ARHGAP15: variants seen among roughly 807,000 people sequenced by gnomAD.
ARHGAP15 encodes rho GTPase-activating protein 15.
A neutral mutation model predicts 63.7 loss-of-function variants in ARHGAP15; 51 were observed. That is an observed-to-expected ratio of 0.80 (90% CI 0.64 to 1.01). The LOEUF (loss-of-function observed/expected upper bound fraction) is 1.01. Ranked by LOEUF, ARHGAP15 falls within the 50% of genes least tolerant of loss-of-function variation. ARHGAP15 has a pLI of 0.00. For missense variants in ARHGAP15, 560 were observed against 564.6 expected (o/e 0.99, Z 0.08); for synonymous variants, 191 against 193.8 (o/e 0.99, Z 0.12).
chr2:143,380,539 C>A (rs1404335497), intron 6 of ARHGAP15, among the ~76,000 whole-genome samples: 1 of 152,080 alleles, frequency 6.6e-6, no homozygotes, highest in Admixed American at 6.6e-5. Context: ...AAATTTTCTC[C>A]ATTTGATGAG....
intron 6 of ARHGAP15, among the ~76,000 whole-genome samples, chr2:143,330,434 A>T (rs1346084193): frequency 6.6e-6 from 1 of 152,108 alleles, no homozygotes; most frequent in African/African-American, 2.4e-5. Flanking sequence ...AATACATAAA[A>T]TACCCATAGT....
At position 143,155,510 on chromosome 2, in the gene ARHGAP15, C is replaced by A. The variant is rs1690041780; in HGVS notation, c.20C>A (p.Ser7Tyr). The change falls in exon 2 of 14, where the codon TCT becomes TAT. Residue 7 changes from serine to tyrosine, a missense_variant. By Grantham distance (144) the Ser-to-Tyr change is moderately radical (BLOSUM62 -2). Transcript: ENST00000295095. ...TATAATATGCAGAAATCTACAAATT[C>A]TGATACTTCCGTGGAAACACTGAAT... MQKSTNSDTSVETLNST... is the reference protein window; with the variant it reads MQKSTNYDTSVETLNST... 1.2e-6 allele frequency: 2 copies of A among 1,607,058 alleles called. No individual in the cohort carries two copies.
chr2:143,606,035 C>CAAAAAAAAAAAAAAAAAAAAAAAAAAAA lies in ARHGAP15; in HGVS notation c.1004-18090_1004-18063dup, dbSNP rs869266541. On this transcript the variant is annotated intron_variant, in intron 11 of 13. Transcript: ENST00000295095. ...TGGGCGCCAGAGCAAGACTCTGTCT[C>CAAAAAAAAAAAAAAAAAAAAAAAAAAAA]AAAAAAAAAAAAAAAAAAAAAAAAA... 8.7e-5 allele frequency among the ~76,000 whole-genome samples: 2 copies of CAAAAAAAAAAAAAAAAAAAAAAAAAAAA among 22,862 alleles called. 1 individual carries two copies. Among genetic ancestry groups the CAAAAAAAAAAAAAAAAAAAAAAAAAAAA allele is most frequent in the Non-Finnish European group, 1.4e-4 (2 of 14,378 alleles). The allele number at this position is 22,862 out of a possible 152,430, so 15.0% of individuals were successfully genotyped here.
At chr2:143,142,702 T>C (rs1689420047) in intron 1 of ARHGAP15, among the ~76,000 whole-genome samples, 1 of 152,010 alleles carries the variant, frequency 6.6e-6, no homozygotes, top group Non-Finnish European at 1.5e-5. Flanking sequence ...ACCATTTAAA[T>C]ACACATACAT....
At chr2:143,576,803 TA>T (rs1306744396) in intron 11 of ARHGAP15, among the ~76,000 whole-genome samples, 1 of 152,160 alleles carries the variant, frequency 6.6e-6, no homozygotes, top group Admixed American at 6.6e-5. Flanking sequence ...TTCTTTCTGA[TA>T]TAAAGTATGA....
chr2:143,624,255 G>A lies in ARHGAP15; in HGVS notation c.1126G>A (p.Val376Met). The part of the protein sequence containing the change: ...LFPYSFFEQF[V>M]EAIKKQDNNT... ...CCCTTACAGTTTCTTTGAGCAGTTT[G>A]TGGAAGCGATCAGTAAGTACCTCAC... Residue 376 changes from valine to methionine, a missense_variant, in exon 12 of 14, where the codon GTG (valine) becomes ATG (methionine). Coordinates refer to ENST00000295095, the MANE Select transcript of ARHGAP15 (RefSeq NM_018460.4). 1 of 1,613,294 alleles carries A rather than the reference G, an allele frequency of 6.2e-7. No individual in the cohort carries two copies. The highest frequency in any genetic ancestry group is 8.5e-7 in the Non-Finnish European group (1 of 1,179,570).
At chr2:143,629,229 G>A (rs1468843789) in intron 12 of ARHGAP15, among the ~76,000 whole-genome samples, 1 of 150,748 alleles carries the variant, frequency 6.6e-6, no homozygotes, top group African/African-American at 2.4e-5. Flanking sequence ...CCCTGCAATT[G>A]CCATAGTAAT....
At chr2:143,662,076 A>G (rs1157559160) in intron 12 of ARHGAP15, among the ~76,000 whole-genome samples, 2 of 152,254 alleles carry the variant, frequency 1.3e-5, no homozygotes, top group African/African-American at 4.8e-5. Context: ...CCACAGCTCA[A>G]GAAGGCCTGC....
intron 11 of ARHGAP15, among the ~76,000 whole-genome samples, chr2:143,610,115 A>T (rs1219856655): frequency 6.6e-6 from 1 of 152,132 alleles, no homozygotes. Context: ...AATGAGGTCA[A>T]ATTTTAAGAC....
intron 8 of ARHGAP15, among the ~76,000 whole-genome samples, chr2:143,461,160 C>A (rs935684050): frequency 1.3e-5 from 2 of 151,560 alleles, no homozygotes; most frequent in South Asian, 4.2e-4. Context: ...CACGGTGGCG[C>A]ACACCTGTAA....
At chr2:143,226,019 G>A (rs1287416442) in intron 4 of ARHGAP15, among the ~76,000 whole-genome samples, 4 of 152,186 alleles carry the variant, frequency 2.6e-5, no homozygotes, top group Non-Finnish European at 4.4e-5. Context: ...AAGATAGACA[G>A]TGTTTATAGT....
intron 11 of ARHGAP15, among the ~76,000 whole-genome samples, chr2:143,612,366 C>T (rs77251259): frequency 0.026 from 3,910 of 152,284 alleles, 71 homozygotes; most frequent in South Asian, 0.069. Flanking sequence ...CAGCCAGTTG[C>T]ATCCAAAAGC....
chr2:143,413,784 T>C (rs1225815942), intron 6 of ARHGAP15, among the ~76,000 whole-genome samples: 2 of 152,104 alleles, frequency 1.3e-5, no homozygotes. Flanking sequence ...TACTCATAGC[T>C]TTTCAATGCA....
chr2:143,624,197 G>A lies in ARHGAP15; in HGVS notation c.1068G>A (p.Lys356=). Residue 356 remains lysine (K), a synonymous_variant, in exon 12 of 14, where the codon AAG becomes AAA. Transcript: ENST00000295095. The stretch of plus-strand genomic sequence containing the variant: ...TCCACGTTGTCACCGGAGCACTGAA[G>A]ATGTTTTTCCGGGAGCTGCCTGAGC... The part of the protein sequence containing the change: ...EDIHVVTGAL[K]MFFRELPEPL... 1 of 1,613,616 alleles carries A rather than the reference G, an allele frequency of 6.2e-7. No individual in the cohort carries two copies. Among genetic ancestry groups the A allele is most frequent in the South Asian group, 1.1e-5 (1 of 91,052 alleles).
At position 143,703,581 on chromosome 2, in the gene ARHGAP15, T is replaced by C. The variant is rs2105423581; in HGVS notation, c.1244+57T>C. ...TTATAGTCATTTCCTAAATGGGCAA[T>C]ATTGAATTTCACATCTCTAAGGCAA... On this transcript the variant is annotated intron_variant, in intron 13 of 13. Coordinates refer to ENST00000295095, the MANE Select transcript of ARHGAP15 (RefSeq NM_018460.4). 4 of 1,382,780 alleles carry C rather than the reference T, an allele frequency of 2.9e-6. No individual in the cohort carries two copies. In the East Asian group the frequency reaches 7.1e-5, roughly 24 times the overall value. 85.7% of individuals were successfully genotyped at this position (1,382,780 alleles called of 1,614,324 possible).
chr2:143,138,498 T>A (rs1198724779), intron 1 of ARHGAP15, among the ~76,000 whole-genome samples: 1 of 152,150 alleles, frequency 6.6e-6, no homozygotes, highest in African/African-American at 2.4e-5. Context: ...TCTAAAGCAA[T>A]GCCATCTGTA....
intron 10 of ARHGAP15, among the ~76,000 whole-genome samples, chr2:143,528,707 G>T (rs973477574): frequency 2.6e-5 from 4 of 151,992 alleles, no homozygotes; most frequent in Non-Finnish European, 5.9e-5. Flanking sequence ...GTTATATTTT[G>T]CATTTTCTGA....
chr2:143,373,109 T>C (rs962592233), intron 6 of ARHGAP15, among the ~76,000 whole-genome samples: 7 of 152,184 alleles, frequency 4.6e-5, no homozygotes, highest in African/African-American at 1.7e-4. Flanking sequence ...TCATAGTCCC[T>C]TTTATATTGG....
chr2:143,611,222 T>C (rs1015206289), intron 11 of ARHGAP15, among the ~76,000 whole-genome samples: 3 of 152,200 alleles, frequency 2.0e-5, no homozygotes, highest in Admixed American at 6.5e-5. Context: ...GAGCCTCGTG[T>C]AAAAATGATT....
Sources: allele counts gnomAD v4.1 joint callset (sites outside exome capture counted in the v4.1 genomes callset), GRCh38; gene constraint gnomAD v4.1.1; transcripts MANE v1.5; gene names NCBI Gene and HGNC (gene_info 2026-07-23, HGNC 2026-07-21).